The following DGKB variants were observed in gnomAD, a reference collection of about 807,000 sequenced individuals.
DGKB encodes the protein 90 kDa diacylglycerol kinase.
DGKB carries 67 observed loss-of-function variants against 114.3 expected under a neutral mutation model. The ratio of observed to expected loss-of-function variants is 0.59; its 90% CI spans 0.48 to 0.72. The LOEUF is 0.72. Among genes scored for constraint, DGKB ranks in the 30% least tolerant of loss-of-function variants. DGKB has a pLI of 0.00. For synonymous variants in DGKB, 398 were observed against 323.1 expected, an observed-to-expected ratio of 1.23 and a Z score of -2.49; for missense variants, 907 against 975.2, an observed-to-expected ratio of 0.93 and a Z score of 0.93.
chr7:14,468,554 A>G (rs1780817886), intron 21 of DGKB, among the ~76,000 whole-genome samples: 1 of 151,052 alleles, frequency 6.6e-6, no homozygotes, highest in African/African-American at 2.4e-5. Context: ...TATTATATAT[A>G]ATATTATCTA....
chr7:14,596,788 G>A (rs1324707624), intron 17 of DGKB, among the ~76,000 whole-genome samples: 1 of 152,120 alleles, frequency 6.6e-6, no homozygotes, highest in African/African-American at 2.4e-5. Flanking sequence ...CAGGGCATGG[G>A]GGAGGGCTCT....
chr7:14,359,850 T>C (rs2128627245), intron 21 of DGKB, among the ~76,000 whole-genome samples: 1 of 152,284 alleles, frequency 6.6e-6, no homozygotes, highest in South Asian at 2.1e-4. Flanking sequence ...ACAGGAATGC[T>C]TTTACACTGG....
chr7:14,581,052 T>C (rs1022818559), intron 18 of DGKB, 101 bp from the exon 19 acceptor site: 6 of 623,410 alleles, frequency 9.6e-6, no homozygotes, highest in African/African-American at 9.2e-5. Context: ...GGAATTCCAA[T>C]AGGTACTCAT....
At chr7:14,866,962 GC>G (rs1173961725) in intron 1 of DGKB, among the ~76,000 whole-genome samples, 1 of 152,068 alleles carries the variant, frequency 6.6e-6, no homozygotes, top group Non-Finnish European at 1.5e-5. Context: ...TGTTTAATTT[GC>G]ATTTCACTGA....
chr7:14,555,715 C>T (rs1336195614), intron 20 of DGKB, among the ~76,000 whole-genome samples: 1 of 152,154 alleles, frequency 6.6e-6, no homozygotes, highest in African/African-American at 2.4e-5. Context: ...AAAGACCTTG[C>T]TGATAAACAG....
At chr7:14,162,692 A>G (rs1784081183) in intron 25 of DGKB, among the ~76,000 whole-genome samples, 2 of 152,190 alleles carry the variant, frequency 1.3e-5, no homozygotes, top group African/African-American at 4.8e-5. Flanking sequence ...TTCATTGAAC[A>G]ATATTTAAAT....
At chr7:14,291,142 C>CAA (rs373171858) in intron 23 of DGKB, among the ~76,000 whole-genome samples, 5,914 of 85,924 alleles carry the variant, frequency 0.069, 673 homozygotes, top group African/African-American at 0.24. Context: ...AACTCCGTCT[C>CAA]AAAAAAAAAA....
intron 21 of DGKB, among the ~76,000 whole-genome samples, chr7:14,346,295 T>C (rs1812461075): frequency 6.6e-6 from 1 of 151,934 alleles, no homozygotes; most frequent in African/African-American, 2.4e-5. Flanking sequence ...ATTATTGGTT[T>C]GGAAAATGAC....
chr7:14,274,891 G>A (rs1278958493), intron 23 of DGKB, among the ~76,000 whole-genome samples: 1 of 151,682 alleles, frequency 6.6e-6, no homozygotes, highest in East Asian at 1.9e-4. Flanking sequence ...TCACATTGAG[G>A]ATTAGAAGGT....
At chr7:14,818,091 C>T (rs1396472411) in intron 2 of DGKB, among the ~76,000 whole-genome samples, 3 of 152,046 alleles carry the variant, frequency 2.0e-5, no homozygotes, top group Non-Finnish European at 2.9e-5. Context: ...GCTAGGAAAC[C>T]ATGATAATAA....
intron 1 of DGKB, among the ~76,000 whole-genome samples, chr7:14,893,273 G>A (rs1482118877): frequency 6.6e-6 from 1 of 151,210 alleles, no homozygotes; most frequent in Non-Finnish European, 1.5e-5. Context: ...CAAATCCAAT[G>A]AGTATGTTTT....
intron 25 of DGKB, among the ~76,000 whole-genome samples, chr7:14,150,258 T>A (rs1781995156): frequency 6.6e-6 from 1 of 152,132 alleles, no homozygotes; most frequent in Non-Finnish European, 1.5e-5. Context: ...AGCATTCGCA[T>A]CAGAGATGAG....
intron 22 of DGKB, among the ~76,000 whole-genome samples, chr7:14,339,704 T>C (rs1811295085): frequency 6.6e-6 from 1 of 152,016 alleles, no homozygotes; most frequent in African/African-American, 2.4e-5. Flanking sequence ...TTATACATTC[T>C]AGAAATTATT....
At chr7:14,827,649 C>G (rs1315655792) in intron 2 of DGKB, among the ~76,000 whole-genome samples, 3 of 151,950 alleles carry the variant, frequency 2.0e-5, no homozygotes, top group Non-Finnish European at 4.4e-5. Context: ...ATAACTTATC[C>G]CTTATTTATT....
At chr7:14,965,198 T>TA (rs1562909070) in intron 1 of DGKB, among the ~76,000 whole-genome samples, 1 of 152,096 alleles carries the variant, frequency 6.6e-6, no homozygotes, top group Non-Finnish European at 1.5e-5. Flanking sequence ...CAGTAGGTTA[T>TA]ATTGGTTTAT....
chr7:14,243,211 A>G (rs1481743731), intron 23 of DGKB, among the ~76,000 whole-genome samples: 2 of 152,190 alleles, frequency 1.3e-5, no homozygotes, highest in African/African-American at 4.8e-5. Flanking sequence ...TTGAGGTTGT[A>G]TAAATGTTGC....
chr7:14,448,221 G>T (rs927884535), intron 21 of DGKB, among the ~76,000 whole-genome samples: 4 of 152,054 alleles, frequency 2.6e-5, no homozygotes, highest in Non-Finnish European at 1.5e-5. Context: ...TGAGTACTGG[G>T]AACATTTGGA....
At chr7:14,302,976 A>G (rs914951600) in intron 23 of DGKB, among the ~76,000 whole-genome samples, 11 of 152,144 alleles carry the variant, frequency 7.2e-5, no homozygotes, top group Admixed American at 2.0e-4. Flanking sequence ...AGTCTATTAT[A>G]CCATGGGTGG....
intron 1 of DGKB, among the ~76,000 whole-genome samples, chr7:14,942,473 G>A (rs1785620299): frequency 6.6e-6 from 1 of 151,520 alleles, no homozygotes; most frequent in African/African-American, 2.4e-5. Context: ...GTTCTTTTAT[G>A]TTTCTATGTT....
Sources: gnomAD v4.1 joint callset for allele counts (sites outside exome capture counted in the v4.1 genomes callset) on GRCh38, gnomAD v4.1.1 for gene constraint, MANE v1.5 for transcripts, NCBI Gene and HGNC (gene_info 2026-07-23, HGNC 2026-07-21) for gene names.